The following GPC6 variants were observed in gnomAD, a reference collection of about 807,000 sequenced individuals.
The protein encoded by GPC6 is glypican-6.
GPC6 carries 14 observed loss-of-function variants against 55.2 expected under a neutral mutation model. That is an observed-to-expected ratio of 0.25 (90% CI 0.17 to 0.40). GPC6 has a LOEUF of 0.40. Among genes scored for constraint, GPC6 ranks in the 10% least tolerant of loss-of-function variants. The probability of loss-of-function intolerance (pLI) is 1.00; values close to 1 mark genes in which losing one functional copy is unlikely to be tolerated. For missense variants in GPC6, 641 were observed against 708.5 expected, an observed-to-expected ratio of 0.90 and a Z score of 1.08; for synonymous variants, 278 against 259.6, an observed-to-expected ratio of 1.07 and a Z score of -0.68.
intron 1 of GPC6, among the ~76,000 whole-genome samples, chr13:93,542,900 C>T (rs914048001): frequency 4.6e-5 from 7 of 152,134 alleles, no homozygotes; most frequent in African/African-American, 1.7e-4. Flanking sequence ...GCTGAAGTTG[C>T]TTATCAGCTT....
At chr13:93,230,914 T>C (rs1197818064) in intron 1 of GPC6, among the ~76,000 whole-genome samples, 1 of 152,156 alleles carries the variant, frequency 6.6e-6, no homozygotes, top group Non-Finnish European at 1.5e-5. Context: ...GATCATTAAT[T>C]ATAACACTTT....
rs1464310884 is a variant in GPC6 at position 93,492,476 on chromosome 13, A to G, written c.161-52787A>G. Among the ~76,000 whole-genome samples the G allele has an allele frequency of 2.0e-5, 3 of 150,928 alleles. No homozygotes were observed. In the East Asian group the frequency reaches 5.8e-4, roughly 29 times the overall value. ...ATCATGTCGTCTGCAAACAGGGACA[A>G]TTTGACTTCCTCTTTTCCCTATTGA... On this transcript the variant is annotated intron_variant, in intron 1 of 8. Coordinates refer to ENST00000377047, the MANE Select transcript of GPC6 (RefSeq NM_005708.5).
At chr13:93,245,830 G>A (rs1876585700) in intron 1 of GPC6, among the ~76,000 whole-genome samples, 1 of 152,188 alleles carries the variant, frequency 6.6e-6, no homozygotes, top group Admixed American at 6.5e-5. Context: ...CCCCTAGGGG[G>A]ACTAAGGAAA....
chr13:94,124,958 A>G (rs1026297860), intron 4 of GPC6, among the ~76,000 whole-genome samples: 1 of 152,134 alleles, frequency 6.6e-6, no homozygotes, highest in Non-Finnish European at 1.5e-5. Context: ...AAACTGAAAA[A>G]CAAGCAAGCA....
In GPC6 at chr13:94,242,201, G is replaced by T. The variant is rs1231730731; in HGVS notation, c.878-44148G>T. The stretch of plus-strand genomic sequence containing the variant: ...TTTTGTCCTTGCGATAGTTTACTGA[G>T]AATGATGGTTTCCAGCTTCATCCAT... On this transcript the variant is annotated intron_variant, in intron 4 of 8. Transcript: ENST00000377047. 2.6e-5 allele frequency among the ~76,000 whole-genome samples: 4 copies of T among 151,988 alleles called. No individual in the cohort carries two copies. The East Asian group carries it at 7.8e-4, about 30-fold the overall frequency.
intron 6 of GPC6, among the ~76,000 whole-genome samples, chr13:94,332,681 G>A (rs552501359): frequency 5.3e-5 from 8 of 152,258 alleles, no homozygotes; most frequent in South Asian, 4.2e-4. Flanking sequence ...CCGTTGTGTC[G>A]AATTGTTGCA....
intron 4 of GPC6, among the ~76,000 whole-genome samples, chr13:94,060,210 A>G (rs768353214): frequency 3.3e-5 from 5 of 152,312 alleles, no homozygotes; most frequent in Middle Eastern, 3.4e-3. Flanking sequence ...CCTGTCTCCA[A>G]TCGCTGGTAC....
chr13:93,889,186 T>G (rs1875516421), intron 3 of GPC6, among the ~76,000 whole-genome samples: 1 of 152,118 alleles, frequency 6.6e-6, no homozygotes, highest in African/African-American at 2.4e-5. Flanking sequence ...GAAACATTTA[T>G]ATACTCACTG....
At chr13:93,506,159 C>T (rs1880705378) in intron 1 of GPC6, among the ~76,000 whole-genome samples, 1 of 152,030 alleles carries the variant, frequency 6.6e-6, no homozygotes, top group South Asian at 2.1e-4. Context: ...AGTTCAGAGC[C>T]CACTCCACCC....
chr13:94,386,229 G>A (rs545163843), intron 7 of GPC6, among the ~76,000 whole-genome samples: 1 of 152,128 alleles, frequency 6.6e-6, no homozygotes, highest in South Asian at 2.1e-4. Context: ...GTGTGGTGGT[G>A]GGTGCCTGTA....
At chr13:94,083,093 T>C (rs1360551477) in intron 4 of GPC6, among the ~76,000 whole-genome samples, 1 of 152,184 alleles carries the variant, frequency 6.6e-6, no homozygotes, top group Non-Finnish European at 1.5e-5. Context: ...CTCTGCACCT[T>C]TATCCTGCTC....
At chr13:94,193,530 C>T (rs1889466998) in intron 4 of GPC6, among the ~76,000 whole-genome samples, 1 of 152,128 alleles carries the variant, frequency 6.6e-6, no homozygotes, top group South Asian at 2.1e-4. Flanking sequence ...TTCGAGTGTG[C>T]TGTAGCATAT....
At chr13:93,561,044 A>G (rs1875758520) in intron 2 of GPC6, among the ~76,000 whole-genome samples, 1 of 152,152 alleles carries the variant, frequency 6.6e-6, no homozygotes. Context: ...AAGTAATATA[A>G]TGAAAGCAAG....
intron 1 of GPC6, among the ~76,000 whole-genome samples, chr13:93,429,090 G>T (rs575218048): frequency 8.5e-5 from 13 of 152,102 alleles, no homozygotes; most frequent in African/African-American, 2.9e-4. Context: ...GCATTCTCAG[G>T]TATTGACATT....
chr13:94,300,654 A>C (rs533465859), intron 5 of GPC6, among the ~76,000 whole-genome samples: 9 of 152,338 alleles, frequency 5.9e-5, no homozygotes, highest in African/African-American at 2.2e-4. Flanking sequence ...GTACATCTGT[A>C]GCATCTGTCT....
In GPC6 at chr13:94,366,801, A is replaced by G. The variant is rs150910885; in HGVS notation, c.1153-15613A>G. On this transcript the variant is annotated intron_variant, in intron 6 of 8. Coordinates refer to ENST00000377047, the MANE Select transcript of GPC6 (RefSeq NM_005708.5). Reference sequence around the variant, plus strand: ...TCCAAAGCAGAGAGCGAGAGAGCAGATGGGACAGACCTTTGGTCAGCAGCG... The same window carrying G: ...TCCAAAGCAGAGAGCGAGAGAGCAGGTGGGACAGACCTTTGGTCAGCAGCG... Among the ~76,000 whole-genome samples the G allele has an allele frequency of 4.4e-3, 666 of 152,330 alleles. 10 individuals carry two copies. The highest frequency in any genetic ancestry group is 0.016 in the African/African-American group (648 of 41,580).
At chr13:94,111,068 C>T (rs1336635288) in intron 4 of GPC6, among the ~76,000 whole-genome samples, 4 of 151,966 alleles carry the variant, frequency 2.6e-5, no homozygotes, top group Admixed American at 6.6e-5. Context: ...ATAGCATTTC[C>T]CTGATTGCTG....
chr13:93,333,138 G>A (rs1879913012), intron 1 of GPC6, among the ~76,000 whole-genome samples: 1 of 152,102 alleles, frequency 6.6e-6, no homozygotes, highest in Non-Finnish European at 1.5e-5. Context: ...GTAGTGTGAT[G>A]TCTCCAGATT....
chr13:93,325,316 CAGT>C (rs1879615666), intron 1 of GPC6, among the ~76,000 whole-genome samples: 1 of 152,064 alleles, frequency 6.6e-6, no homozygotes, highest in Non-Finnish European at 1.5e-5. Context: ...TGATTAATGG[CAGT>C]ATTTTTAAGG....
Sources: allele counts gnomAD v4.1 joint callset (sites outside exome capture counted in the v4.1 genomes callset), GRCh38; gene constraint gnomAD v4.1.1; transcripts MANE v1.5; gene names NCBI Gene and HGNC (gene_info 2026-07-23, HGNC 2026-07-21).